The following IFT140 variants were observed in gnomAD, a reference collection of about 807,000 sequenced individuals.
IFT140 encodes intraflagellar transport 140.
IFT140 carries 133 observed loss-of-function variants against 164.6 expected under a neutral mutation model. The observed-to-expected ratio is 0.81, with a 90% CI of 0.70 to 0.93. The LOEUF (loss-of-function observed/expected upper bound fraction) is 0.93, where lower values mean the gene tolerates loss of function less well. Among genes scored for constraint, IFT140 ranks in the 40% least tolerant of loss-of-function variants. The probability of loss-of-function intolerance (pLI) is 0.00; values close to 1 mark genes in which losing one functional copy is unlikely to be tolerated. For synonymous variants in IFT140, 860 were observed against 817.3 expected, an observed-to-expected ratio of 1.05 and a Z score of -0.89; for missense variants, 2,045 against 1,972.3, an observed-to-expected ratio of 1.04 and a Z score of -0.70.
intron 14 of IFT140, 104 bp from the exon 15 acceptor site, chr16:1,568,438 A>C (rs1445292200): frequency 6.1e-5 from 56 of 924,242 alleles, no homozygotes; most frequent in Non-Finnish European, 8.7e-5. Flanking sequence ...CACAGCTCTT[A>C]GGCTGCTTCT....
At chr16:1,520,455 G>A in intron 27 of IFT140, 112 bp from the exon 28 acceptor site, 1 of 1,357,362 alleles carries the variant, frequency 7.4e-7, no homozygotes, top group Non-Finnish European at 1.0e-6. Context: ...GCCCGGTAGA[G>A]AGAGATCTTA....
chr16:1,525,485 A>AG (rs2040661324), intron 21 of IFT140, among the ~76,000 whole-genome samples, 159 bp from the exon 22 acceptor site: 1 of 151,494 alleles, frequency 6.6e-6, no homozygotes, highest in African/African-American at 2.4e-5. Flanking sequence ...ACACGTGGCC[A>AG]GGGGGCAGTG....
intron 19 of IFT140, among the ~76,000 whole-genome samples, chr16:1,535,743 A>T (rs2030999330): frequency 6.6e-6 from 1 of 152,154 alleles, no homozygotes; most frequent in Non-Finnish European, 1.5e-5. Flanking sequence ...CCCCTTGTCC[A>T]CTCAAAGGCC....
At chr16:1,585,095 C>G (rs971420006) in intron 10 of IFT140, among the ~76,000 whole-genome samples, 3 of 152,172 alleles carry the variant, frequency 2.0e-5, no homozygotes, top group Non-Finnish European at 4.4e-5. Flanking sequence ...TAAGAAAGAA[C>G]CAAATGCTGC....
intron 19 of IFT140, among the ~76,000 whole-genome samples, chr16:1,548,799 A>G (rs1298899500): frequency 6.6e-6 from 1 of 152,222 alleles, no homozygotes; most frequent in Non-Finnish European, 1.5e-5. Flanking sequence ...CAGCTGACTC[A>G]GTCACCTTCT....
chr16:1,525,090 T>C, intron 22 of IFT140, 141 bp downstream of exon 22: 1 of 1,180,842 alleles, frequency 8.5e-7, no homozygotes. Flanking sequence ...CTCAGGGCCC[T>C]GGCATGGCTC....
At chr16:1,542,241 C>T (rs1806756490) in intron 19 of IFT140, among the ~76,000 whole-genome samples, 1 of 152,246 alleles carries the variant, frequency 6.6e-6, no homozygotes, top group Non-Finnish European at 1.5e-5. Context: ...CTCCCTCCCT[C>T]TTGCTGTAGG....
In IFT140 at chr16:1,533,191, C is replaced by T. The variant is rs903305325; in HGVS notation, c.2400-6395G>A. 2 of 152,528 alleles carry T rather than the reference C, an allele frequency of 1.3e-5. No individual in the cohort carries two copies. Among genetic ancestry groups the T allele is most frequent in the African/African-American group, 4.8e-5 (2 of 41,450 alleles). 9.4% of individuals were successfully genotyped at this position (152,528 alleles called of 1,614,324 possible). ...GCAGGTCTGGGTGAACTTGCTCCCT[C>T]CAGGCACACGGGTCTCTCCCCTTCC... On this transcript the variant is annotated intron_variant, in intron 19 of 30. Coordinates refer to ENST00000426508, the MANE Select transcript of IFT140 (RefSeq NM_014714.4). This position sits in a 1 kb window ranked among gnomAD's most constrained non-coding sequence, Gnocchi z 4.7.
chr16:1,592,300 T>G lies in IFT140; in HGVS notation c.510A>C (p.Ala170=). 2 of 1,614,188 alleles carry G rather than the reference T, an allele frequency of 1.2e-6. No homozygotes were observed. The highest frequency in any genetic ancestry group is 8.5e-7 in the Non-Finnish European group (1 of 1,180,034). ...PPPGEDLVQL[A]KAAVSGDEKA... is the part of the protein sequence containing the mutation. ...TCTCATCACCGCTCACAGCTGCCTTTGCCAACTGAACCAGGTCCCTGAAAG... is the reference window on the plus strand; with the variant it reads ...TCTCATCACCGCTCACAGCTGCCTTGGCCAACTGAACCAGGTCCCTGAAAG... The change falls in exon 6 of 31, where the codon GCA becomes GCC. Residue 170 remains alanine, a synonymous_variant. Transcript: ENST00000426508.
chr16:1,541,432 G>A, intron 19 of IFT140: 1 of 985,438 alleles, frequency 1.0e-6, no homozygotes, highest in Non-Finnish European at 1.2e-6. Flanking sequence ...CCGCTTGGGG[G>A]TCGGGCAGCT....
intron 3 of IFT140, among the ~76,000 whole-genome samples, chr16:1,606,205 G>A (rs1399066552): frequency 6.6e-6 from 1 of 152,230 alleles, no homozygotes; most frequent in Non-Finnish European, 1.5e-5. Context: ...GAAATGATTA[G>A]AGTTCCAAAT....
chr16:1,511,226 T>G (rs2040137809), intron 30 of IFT140, 76 bp from the exon 31 acceptor site: 2 of 1,404,388 alleles, frequency 1.4e-6, no homozygotes, highest in South Asian at 2.5e-5. Flanking sequence ...GCCAGGCACG[T>G]GCTGCTGCCC....
chr16:1,609,044 A>G (rs750385151), intron 2 of IFT140, among the ~76,000 whole-genome samples: 15 of 152,048 alleles, frequency 9.9e-5, no homozygotes, highest in Non-Finnish European at 1.5e-4. Context: ...AATCCCAGCT[A>G]CTCAGGAGGC....
intron 19 of IFT140, among the ~76,000 whole-genome samples, chr16:1,543,359 G>A (rs910676869): frequency 6.6e-6 from 1 of 152,252 alleles, no homozygotes; most frequent in African/African-American, 2.4e-5. Flanking sequence ...GACTGTGGGG[G>A]CAGGTATTCC....
At chr16:1,539,527 C>T (rs1207881425) in intron 19 of IFT140, among the ~76,000 whole-genome samples, 1 of 152,274 alleles carries the variant, frequency 6.6e-6, no homozygotes, top group African/African-American at 2.4e-5. Context: ...TTCCCGCTGT[C>T]CGTACGGGAA....
chr16:1,553,977 C>T lies in IFT140; in HGVS notation c.2399+3958G>A, dbSNP rs973893964. ...ACTGTAGCATCAGCGACTAACTAGACGGGAACAAGCTGCGCCAACCAAGGG... is the reference window on the plus strand; with the variant it reads ...ACTGTAGCATCAGCGACTAACTAGATGGGAACAAGCTGCGCCAACCAAGGG... On this transcript the variant is annotated intron_variant, in intron 19 of 30. Transcript: ENST00000426508. The surrounding 1 kb of genome is among the most constrained non-coding windows in gnomAD (Gnocchi z 4.4). The T allele has an allele frequency of 1.9e-5, 24 of 1,287,208 alleles. No homozygotes were observed. The highest frequency in any genetic ancestry group is 1.1e-4 in the East Asian group (2 of 18,020). The allele number at this position is 1,287,208 out of a possible 1,614,324, so 79.7% of individuals were successfully genotyped here.
rs557133479 is a variant in IFT140 at position 1,566,470 on chromosome 16, G to A, written c.1771-179C>T. On this transcript the variant is annotated intron_variant, in intron 15 of 30. Coordinates refer to ENST00000426508, the MANE Select transcript of IFT140 (RefSeq NM_014714.4). ...TCAATATTCATAATTTGTTGGTTTT[G>A]GTGTTTTTTGAGACAGGGTCTCGCT... Among the ~76,000 whole-genome samples, 20 of 152,196 alleles carry A rather than the reference G, an allele frequency of 1.3e-4. 1 individual carries two copies. In the South Asian group the frequency reaches 2.9e-3, roughly 22 times the overall value.
At chr16:1,541,571 A>G (rs1431716324) in intron 19 of IFT140, 1 of 896,828 alleles carries the variant, frequency 1.1e-6, no homozygotes, top group East Asian at 1.2e-4. Flanking sequence ...TCCCCTTCCC[A>G]CCTCCACCCC....
intron 10 of IFT140, 21 bp downstream of exon 10, chr16:1,586,109 G>T (rs758475515): frequency 3.1e-6 from 5 of 1,608,924 alleles, no homozygotes; most frequent in Admixed American, 1.7e-5. Flanking sequence ...TGAGTGCACC[G>T]AACACCCTTG....
Sources: gnomAD v4.1 joint callset for allele counts (sites outside exome capture counted in the v4.1 genomes callset) on GRCh38, gnomAD v4.1.1 for gene constraint, Gnocchi (gnomAD v3.1) non-coding constraint, MANE v1.5 for transcripts, NCBI Gene and HGNC (gene_info 2026-07-23, HGNC 2026-07-21) for gene names.